The following SUGCT variants were observed in gnomAD, a reference collection of about 807,000 sequenced individuals.
The protein encoded by SUGCT is succinyl-CoA:glutarate CoA-transferase.
A neutral mutation model predicts 55.0 loss-of-function variants in SUGCT; 41 were observed. The ratio of observed to expected loss-of-function variants is 0.74; its 90% CI spans 0.58 to 0.97. The LOEUF is 0.97. Among genes scored for constraint, SUGCT ranks in the 50% least tolerant of loss-of-function variants. The pLI is 0.00. For missense variants in SUGCT, 568 were observed against 547.8 expected, an observed-to-expected ratio of 1.04 and a Z score of -0.37; for synonymous variants, 187 against 200.4, an observed-to-expected ratio of 0.93 and a Z score of 0.56.
chr7:40,764,524 A>C (rs1738375924), intron 13 of SUGCT, among the ~76,000 whole-genome samples: 2 of 152,170 alleles, frequency 1.3e-5, no homozygotes, highest in African/African-American at 4.8e-5. Flanking sequence ...TTTCTTCAAA[A>C]AAAATATAAA....
chr7:40,218,905 A>T (rs1205266173), intron 6 of SUGCT, among the ~76,000 whole-genome samples: 1 of 152,324 alleles, frequency 6.6e-6, no homozygotes, highest in East Asian at 1.9e-4. Context: ...AGGGAATAAA[A>T]GCTGGCCACC....
rs74424899 is a variant in SUGCT, at chr7:40,217,541, C to T, written c.485-20094C>T. 9.0e-3 allele frequency: 3,382 copies of T among 373,880 alleles called. 92 individuals carry two copies. The highest frequency in any genetic ancestry group is 0.067 in the African/African-American group (3,147 of 47,280). The allele number at this position is 373,880 out of a possible 1,614,324, so 23.2% of individuals were successfully genotyped here. ...TCCTGAATTATCGTTGTCTCCACAC[C>T]TGCTTACAGTGCTGTTCCTCAGGTA... On this transcript the variant is annotated intron_variant, in intron 6 of 13. Transcript: ENST00000335693.
At chr7:40,538,678 G>T (rs1026731822) in intron 12 of SUGCT, 7 of 152,322 alleles carry the variant, frequency 4.6e-5, no homozygotes, top group Non-Finnish European at 8.8e-5. Context: ...TATGAAGGCT[G>T]AGCGTCTGGG....
intron 10 of SUGCT, among the ~76,000 whole-genome samples, chr7:40,452,303 C>T (rs769945217): frequency 3.3e-5 from 5 of 152,164 alleles, no homozygotes; most frequent in Non-Finnish European, 7.4e-5. Context: ...TGGATGCCAC[C>T]CAAATGGGTA....
At chr7:40,403,315 T>G (rs564677010) in intron 9 of SUGCT, among the ~76,000 whole-genome samples, 2 of 152,186 alleles carry the variant, frequency 1.3e-5, no homozygotes, top group South Asian at 4.1e-4. Flanking sequence ...GCAAGCTTTA[T>G]TCACAGATAC....
intron 11 of SUGCT, among the ~76,000 whole-genome samples, chr7:40,472,672 A>T (rs1229052080): frequency 2.0e-5 from 3 of 152,108 alleles, no homozygotes; most frequent in African/African-American, 7.2e-5. Flanking sequence ...TAATAATAAT[A>T]AAAACTTCAG....
intron 12 of SUGCT, among the ~76,000 whole-genome samples, chr7:40,713,946 A>C (rs1562960039): frequency 6.6e-6 from 1 of 152,254 alleles, no homozygotes; most frequent in Non-Finnish European, 1.5e-5. Context: ...TTTCCCATGT[A>C]GAAAACCATC....
chr7:40,919,688 T>G, the SUGCT span, among the ~76,000 whole-genome samples: 43,997 of 152,178 alleles, frequency 0.29, 8,033 homozygotes, highest in Admixed American at 0.42. Flanking sequence ...ACAGGTCTCC[T>G]TGTTCTAGTT....
chr7:40,520,840 T>G (rs748736816), intron 12 of SUGCT, among the ~76,000 whole-genome samples: 3 of 152,104 alleles, frequency 2.0e-5, no homozygotes, highest in Non-Finnish European at 4.4e-5. Flanking sequence ...ATTGCTGCAA[T>G]TTAGGTGGCA....
At chr7:41,016,280 A>T in the SUGCT span, among the ~76,000 whole-genome samples, 1 of 152,132 alleles carries the variant, frequency 6.6e-6, no homozygotes, top group Non-Finnish European at 1.5e-5. Context: ...TTCAAGGTGG[A>T]TGTTTACTGG....
At chr7:40,295,207 T>G (rs1438938716) in intron 8 of SUGCT, among the ~76,000 whole-genome samples, 1 of 152,188 alleles carries the variant, frequency 6.6e-6, no homozygotes. Context: ...AGTAAATTTT[T>G]TTTTTGCATT....
chr7:40,242,933 A>ATATATATATATATATGTATATTT (rs1270335224), intron 7 of SUGCT, among the ~76,000 whole-genome samples: 1 of 17,204 alleles, frequency 5.8e-5, no homozygotes, highest in African/African-American at 1.5e-4. Flanking sequence ...ATATATATAT[A>ATATATATATATATATGTATATTT]TTTTTTTTTT....
intron 9 of SUGCT, among the ~76,000 whole-genome samples, chr7:40,383,095 T>A (rs1208092325): frequency 6.6e-6 from 1 of 152,214 alleles, no homozygotes; most frequent in Non-Finnish European, 1.5e-5. Flanking sequence ...TTTGATGTAG[T>A]CATGGCCCTC....
At chr7:40,155,527 A>G (rs1783846614) in intron 1 of SUGCT, among the ~76,000 whole-genome samples, 1 of 152,204 alleles carries the variant, frequency 6.6e-6, no homozygotes. Context: ...GAGGCCCAAC[A>G]TTAGAAGACA....
Position 40,188,380 on chromosome 7 carries a change from G to T in SUGCT, c.227-115G>T, listed in dbSNP as rs147264387. The T allele has an allele frequency of 2.9e-4, 199 of 696,846 alleles. No homozygotes were observed. The African/African-American group carries it at 3.6e-3, about 13-fold the overall frequency. The allele number at this position is 696,846 out of a possible 1,614,324, so 43.2% of individuals were successfully genotyped here. On this transcript the variant is annotated intron_variant, in intron 3 of 13. Coordinates refer to ENST00000335693, the MANE Select transcript of SUGCT (RefSeq NM_001193313.2). ...ACCCAGGAGGTAGAGGTTGCAGTGA[G>T]CAGAGATCGTTCCTCTGCACTCCAG...
At chr7:40,219,284 G>A (rs898610500) in intron 6 of SUGCT, among the ~76,000 whole-genome samples, 2 of 152,144 alleles carry the variant, frequency 1.3e-5, no homozygotes, top group African/African-American at 2.4e-5. Flanking sequence ...AACACTCACC[G>A]CGAGGGTCCG....
At chr7:40,166,456 T>G (rs1284510903) in intron 1 of SUGCT, among the ~76,000 whole-genome samples, 1 of 152,248 alleles carries the variant, frequency 6.6e-6, no homozygotes, top group Non-Finnish European at 1.5e-5. Context: ...GAATTCAATT[T>G]ACAAGTTTTT....
the SUGCT span, among the ~76,000 whole-genome samples, chr7:40,974,906 A>C: frequency 2.0e-5 from 3 of 152,178 alleles, no homozygotes; most frequent in Non-Finnish European, 4.4e-5. Context: ...ATATTCATCC[A>C]ACTTTATAGG....
intron 12 of SUGCT, among the ~76,000 whole-genome samples, chr7:40,602,461 G>T (rs1172394258): frequency 2.0e-5 from 3 of 152,168 alleles, no homozygotes; most frequent in Non-Finnish European, 4.4e-5. Context: ...CTGGTCAGCT[G>T]CTTGACTGAT....
Sources: allele counts gnomAD v4.1 joint callset (sites outside exome capture counted in the v4.1 genomes callset), GRCh38; gene constraint gnomAD v4.1.1; transcripts MANE v1.5; gene names NCBI Gene and HGNC (gene_info 2026-07-23, HGNC 2026-07-21).